ATXN1: variants seen among roughly 807,000 people sequenced by gnomAD.
ATXN1 encodes ataxin-1.
In ATXN1, 8 loss-of-function variants were observed where a neutral mutation model predicts 56.4. That is an observed-to-expected ratio of 0.14 (90% CI 0.08 to 0.26). The LOEUF (loss-of-function observed/expected upper bound fraction) is 0.26, where lower values mean the gene tolerates loss of function less well. Ranked by LOEUF, ATXN1 falls within the 10% of genes least tolerant of loss-of-function variation. The probability of loss-of-function intolerance (pLI) is 1.00; values close to 1 mark genes in which losing one functional copy is unlikely to be tolerated. For synonymous variants in ATXN1, 514 were observed against 494.6 expected, an observed-to-expected ratio of 1.04 and a Z score of -0.52; for missense variants, 987 against 1,106.5, an observed-to-expected ratio of 0.89 and a Z score of 1.53.
Position 16,672,790 on chromosome 6 carries a change from C to T in ATXN1, c.-614-14889G>A, listed in dbSNP as rs150178191. Among the ~76,000 whole-genome samples, 264 of 152,158 alleles carry T rather than the reference C, an allele frequency of 1.7e-3. 1 individual carries two copies. Among genetic ancestry groups the T allele is most frequent in the Middle Eastern group, 3.4e-3 (1 of 294 alleles). Reference sequence around the variant, plus strand: ...ATCCCAGCACTCTGGGAGGCCGAGGCGGGTGGATCGCCTGAGGTCGAGAGT... The same window carrying T: ...ATCCCAGCACTCTGGGAGGCCGAGGTGGGTGGATCGCCTGAGGTCGAGAGT... On this transcript the variant is annotated intron_variant, in intron 2 of 7. Coordinates refer to ENST00000436367, the MANE Select transcript of ATXN1 (RefSeq NM_001128164.2).
chr6:16,631,539 T>C (rs917019109), intron 3 of ATXN1, among the ~76,000 whole-genome samples: 2 of 152,204 alleles, frequency 1.3e-5, no homozygotes, highest in Admixed American at 6.5e-5. Context: ...AAAGCTGACT[T>C]GTCCCCCATC....
intron 2 of ATXN1, among the ~76,000 whole-genome samples, chr6:16,714,865 T>A (rs17607371): frequency 6.6e-6 from 1 of 152,316 alleles, no homozygotes; most frequent in African/African-American, 2.4e-5. Flanking sequence ...GGCGTGGAAT[T>A]TGCCAGATAA....
intron 3 of ATXN1, among the ~76,000 whole-genome samples, chr6:16,618,811 T>C (rs1334724112): frequency 6.6e-6 from 1 of 150,440 alleles, no homozygotes; most frequent in African/African-American, 2.4e-5. Context: ...TACACAGATA[T>C]TTTGATTTTG....
intron 2 of ATXN1, among the ~76,000 whole-genome samples, chr6:16,661,197 G>A (rs1055360951): frequency 8.6e-5 from 13 of 152,018 alleles, no homozygotes; most frequent in Non-Finnish European, 1.2e-4. Context: ...CGTTTCGAAA[G>A]AGATTGCTAT....
chr6:16,520,523 AG>A (rs999239895), intron 5 of ATXN1, among the ~76,000 whole-genome samples: 2 of 152,082 alleles, frequency 1.3e-5, no homozygotes, highest in Non-Finnish European at 2.9e-5. Flanking sequence ...CTTCTCTACC[AG>A]TTTATTCTTT....
intron 2 of ATXN1, among the ~76,000 whole-genome samples, chr6:16,681,912 A>G (rs1758820230): frequency 6.6e-6 from 1 of 152,172 alleles, no homozygotes; most frequent in Admixed American, 6.5e-5. Flanking sequence ...CTTGAGGGGG[A>G]AAAGATGCAT....
At chr6:16,606,888 T>TGTGTGTGTGTGTGTGTGTGTG (rs145108851) in intron 3 of ATXN1, among the ~76,000 whole-genome samples, 17 of 146,910 alleles carry the variant, frequency 1.2e-4, no homozygotes, top group East Asian at 2.1e-4. Context: ...TGTGTGTGTG[T>TGTGTGTGTGTGTGTGTGTGTG]TGTTTGTTTG....
At chr6:16,739,899 A>G (rs1253888806) in intron 2 of ATXN1, 1 of 457,136 alleles carries the variant, frequency 2.2e-6, no homozygotes, top group Non-Finnish European at 4.4e-6. Context: ...GATGTCCACC[A>G]GCACTTTCTG....
chr6:16,496,229 C>T (rs1282148157), intron 5 of ATXN1, among the ~76,000 whole-genome samples: 1 of 152,106 alleles, frequency 6.6e-6, no homozygotes, highest in African/African-American at 2.4e-5. Context: ...TTGGAGGAGG[C>T]TTCATAAAAG....
chr6:16,361,525 A>G (rs1328393334), intron 6 of ATXN1, among the ~76,000 whole-genome samples: 1 of 152,190 alleles, frequency 6.6e-6, no homozygotes, highest in Non-Finnish European at 1.5e-5. Flanking sequence ...TTGGGAATAA[A>G]TGTAGATTAT....
chr6:16,733,986 G>T (rs554527474), intron 2 of ATXN1, among the ~76,000 whole-genome samples: 1 of 152,130 alleles, frequency 6.6e-6, no homozygotes. Context: ...CAGCCACTCC[G>T]GAGGCTGACG....
chr6:16,492,364 T>C (rs1256329114), intron 5 of ATXN1, among the ~76,000 whole-genome samples: 2 of 151,968 alleles, frequency 1.3e-5, no homozygotes. Flanking sequence ...GCATGGCACA[T>C]GTATACATAT....
At chr6:16,346,934 G>A (rs962303169) in intron 6 of ATXN1, among the ~76,000 whole-genome samples, 33 of 152,250 alleles carry the variant, frequency 2.2e-4, no homozygotes, top group Admixed American at 5.9e-4. Flanking sequence ...GGGCCAGCGC[G>A]CGTTCCAGGT....
intron 6 of ATXN1, among the ~76,000 whole-genome samples, chr6:16,383,673 G>T (rs1415623237): frequency 6.6e-6 from 1 of 152,062 alleles, no homozygotes; most frequent in African/African-American, 2.4e-5. Context: ...GCTAGTCTGG[G>T]GACAAAAACG....
At chr6:16,402,748 C>T (rs1758604136) in intron 6 of ATXN1, among the ~76,000 whole-genome samples, 2 of 152,316 alleles carry the variant, frequency 1.3e-5, no homozygotes, top group South Asian at 2.1e-4. Flanking sequence ...GGTGTCAGAA[C>T]CAACTCCCGC....
intron 4 of ATXN1, among the ~76,000 whole-genome samples, chr6:16,541,016 A>G (rs1431957250): frequency 2.6e-5 from 4 of 152,260 alleles, no homozygotes; most frequent in East Asian, 1.9e-4. Flanking sequence ...ATATGAGCTC[A>G]TCGTAACTAA....
intron 6 of ATXN1, among the ~76,000 whole-genome samples, chr6:16,441,368 G>A (rs1325756280): frequency 6.6e-6 from 1 of 152,048 alleles, no homozygotes; most frequent in African/African-American, 2.4e-5. Flanking sequence ...GGAGTTCTAT[G>A]GCCTAGACAC....
chr6:16,492,986 T>A (rs550004504), intron 5 of ATXN1, among the ~76,000 whole-genome samples: 5 of 152,280 alleles, frequency 3.3e-5, no homozygotes, highest in African/African-American at 9.6e-5. Flanking sequence ...GGTTTCCAAG[T>A]CCTACCAATT....
At chr6:16,366,446 A>G (rs796412566) in intron 6 of ATXN1, among the ~76,000 whole-genome samples, 2 of 152,160 alleles carry the variant, frequency 1.3e-5, no homozygotes, top group South Asian at 4.1e-4. Flanking sequence ...TTGTTAGTTG[A>G]TCAAGAATCT....
Sources: allele counts gnomAD v4.1 joint callset (sites outside exome capture counted in the v4.1 genomes callset), GRCh38; gene constraint gnomAD v4.1.1; transcripts MANE v1.5; gene names NCBI Gene and HGNC (gene_info 2026-07-23, HGNC 2026-07-21).